KIAA1217: variants seen among roughly 807,000 people sequenced by gnomAD.
The protein encoded by KIAA1217 is KIAA1217.
In KIAA1217, 88 loss-of-function variants were observed where a neutral mutation model predicts 163.9. That is an observed-to-expected ratio of 0.54 (90% CI 0.45 to 0.64). The LOEUF (loss-of-function observed/expected upper bound fraction) is 0.64, where lower values mean the gene tolerates loss of function less well. Ranked by LOEUF, KIAA1217 falls within the 30% of genes least tolerant of loss-of-function variation. The probability of loss-of-function intolerance (pLI) is 0.00; values close to 1 mark genes in which losing one functional copy is unlikely to be tolerated. For synonymous variants in KIAA1217, 903 were observed against 923.1 expected (o/e 0.98, Z 0.39); for missense variants, 2,372 against 2,475.0 (o/e 0.96, Z 0.88).
chr10:24,439,936 A>G (rs1457124721), intron 5 of KIAA1217, among the ~76,000 whole-genome samples: 1 of 152,236 alleles, frequency 6.6e-6, no homozygotes, highest in Non-Finnish European at 1.5e-5. Flanking sequence ...GGATGCAGAC[A>G]TCTTTCAGGG....
chr10:24,033,728 T>C (rs1848282643), intron 2 of KIAA1217, among the ~76,000 whole-genome samples: 1 of 152,260 alleles, frequency 6.6e-6, no homozygotes, highest in Admixed American at 6.5e-5. Flanking sequence ...TACATGGTTT[T>C]AACTGGCTGC....
intron 6 of KIAA1217, among the ~76,000 whole-genome samples, chr10:24,485,412 C>T (rs1329813360): frequency 6.6e-6 from 1 of 152,194 alleles, no homozygotes; most frequent in East Asian, 1.9e-4. Flanking sequence ...TTCACCTTTG[C>T]TCTTTCTGCT....
At position 23,790,450 on chromosome 10, in the gene KIAA1217, T is replaced by C. The variant is rs369345694; in HGVS notation, c.-321+95216T>C. On this transcript the variant is annotated intron_variant, in intron 1 of 18. Coordinates refer to the KIAA1217 transcript ENST00000376462. The stretch of plus-strand genomic sequence containing the variant: ...ATATACATATACATATATACATATA[T>C]ACATGTGCATATATACATATATACA... 5.6e-5 allele frequency among the ~76,000 whole-genome samples: 6 copies of C among 106,486 alleles called. 1 individual carries two copies. Among genetic ancestry groups the C allele is most frequent in the East Asian group, 2.3e-4 (1 of 4,298 alleles). 69.9% of individuals were successfully genotyped at this position (106,486 alleles called of 152,430 possible). A position where few individuals can be genotyped will look rare whatever the true frequency, so the allele number is the denominator to read the frequency against.
intron 1 of KIAA1217, among the ~76,000 whole-genome samples, chr10:23,766,795 G>A (rs1203894081): frequency 2.0e-5 from 3 of 152,096 alleles, no homozygotes; most frequent in Middle Eastern, 6.8e-3. Context: ...CACCATGTTG[G>A]CCAGACGGGT....
intron 2 of KIAA1217, among the ~76,000 whole-genome samples, chr10:24,225,317 T>A (rs1420518632): frequency 6.6e-6 from 1 of 151,974 alleles, no homozygotes; most frequent in Non-Finnish European, 1.5e-5. Context: ...AGGGACAGGG[T>A]CTTGCTGTGT....
chr10:24,402,131 T>C (rs1217093584), intron 3 of KIAA1217, among the ~76,000 whole-genome samples: 1 of 152,192 alleles, frequency 6.6e-6, no homozygotes, highest in Non-Finnish European at 1.5e-5. Context: ...AAAAGATCTA[T>C]AGGTTTAAAA....
At position 23,815,843 on chromosome 10, in the gene KIAA1217, T is replaced by G. The variant is rs569050356; in HGVS notation, c.-321+120609T>G. ...ATAAGAAATTTCGTTTACGAAGTCT[T>G]TAGTGGAGTCGATTCTTTTGGTGTT... On this transcript the variant is annotated intron_variant, in intron 1 of 18. Coordinates refer to the KIAA1217 transcript ENST00000376462. 2.8e-3 allele frequency among the ~76,000 whole-genome samples: 432 copies of G among 152,270 alleles called. 3 individuals are homozygous for G. The highest frequency in any genetic ancestry group is 0.01 in the African/African-American group (418 of 41,550).
intron 1 of KIAA1217, among the ~76,000 whole-genome samples, chr10:23,907,950 A>G (rs953814790): frequency 1.3e-5 from 2 of 152,100 alleles, no homozygotes; most frequent in African/African-American, 4.8e-5. Flanking sequence ...AAAAAAAAAA[A>G]GATGTGAAGA....
intron 1 of KIAA1217, among the ~76,000 whole-genome samples, chr10:24,211,749 C>T (rs968590186): frequency 5.3e-5 from 8 of 151,770 alleles, no homozygotes; most frequent in Non-Finnish European, 1.0e-4. Context: ...CTTCTGCAGT[C>T]AAGGAGGCAA....
chr10:24,369,761 C>T (rs1250441537), intron 2 of KIAA1217, among the ~76,000 whole-genome samples: 1 of 152,164 alleles, frequency 6.6e-6, no homozygotes, highest in African/African-American at 2.4e-5. Flanking sequence ...CACACAGACA[C>T]CTTTTATCCT....
At position 24,001,297 on chromosome 10, in the gene KIAA1217, G is replaced by A. The variant is rs564000909; in HGVS notation, c.-320-5928G>A. ...AATGTCTGTCACAGAGCAGCCATTC[G>A]GTGAGTTCTTATTACATGAATGATC... is the stretch of plus-strand genomic sequence containing the variant. On this transcript the variant is annotated intron_variant, in intron 1 of 18. Transcript: ENST00000376462. 6.6e-5 allele frequency among the ~76,000 whole-genome samples: 10 copies of A among 152,244 alleles called. No individual in the cohort carries two copies. In the East Asian group the frequency reaches 1.2e-3, roughly 18 times the overall value.
chr10:24,033,055 T>C (rs922871193), intron 2 of KIAA1217, among the ~76,000 whole-genome samples: 2 of 152,132 alleles, frequency 1.3e-5, no homozygotes, highest in Non-Finnish European at 2.9e-5. Context: ...TATTTTGCAA[T>C]AAAAACCCAA....
At chr10:24,118,640 A>C (rs968186519) in intron 2 of KIAA1217, among the ~76,000 whole-genome samples, 2 of 151,752 alleles carry the variant, frequency 1.3e-5, no homozygotes, top group East Asian at 1.9e-4. Flanking sequence ...AGACAGTTAC[A>C]CTCTGAATTA....
chr10:24,255,951 C>A (rs1330065971), intron 2 of KIAA1217, among the ~76,000 whole-genome samples: 1 of 150,066 alleles, frequency 6.7e-6, no homozygotes, highest in Non-Finnish European at 1.5e-5. Flanking sequence ...TCTTACCTTG[C>A]CGGGCTCTGA....
At chr10:24,240,991 G>A (rs1186380642) in intron 2 of KIAA1217, among the ~76,000 whole-genome samples, 2 of 152,172 alleles carry the variant, frequency 1.3e-5, no homozygotes, top group East Asian at 3.9e-4. Context: ...GACTACTGGT[G>A]CATGCCACTG....
At chr10:24,499,387 C>T (rs528439001) in intron 8 of KIAA1217, among the ~76,000 whole-genome samples, 1 of 152,324 alleles carries the variant, frequency 6.6e-6, no homozygotes, top group Non-Finnish European at 1.5e-5. Flanking sequence ...GGAGGAACCA[C>T]CAGAAATTGG....
At chr10:24,530,612 T>A (rs2072966884) in intron 14 of KIAA1217, among the ~76,000 whole-genome samples, 1 of 152,198 alleles carries the variant, frequency 6.6e-6, no homozygotes, top group African/African-American at 2.4e-5. Context: ...CAAAAATTGA[T>A]AAAGGCTGGC....
intron 1 of KIAA1217, among the ~76,000 whole-genome samples, chr10:23,717,885 A>G (rs1837663936): frequency 6.6e-6 from 1 of 152,148 alleles, no homozygotes; most frequent in African/African-American, 2.4e-5. Context: ...TAACAATGAG[A>G]CTCAGGTCCT....
At chr10:23,818,331 T>A (rs189677354) in intron 1 of KIAA1217, among the ~76,000 whole-genome samples, 1,555 of 86,782 alleles carry the variant, frequency 0.018, 14 homozygotes, top group Non-Finnish European at 0.027. Context: ...ATATATATAT[T>A]TTATATATAT....
Sources: gnomAD v4.1 joint callset for allele counts (sites outside exome capture counted in the v4.1 genomes callset) on GRCh38, gnomAD v4.1.1 for gene constraint, MANE v1.5 for transcripts, NCBI Gene and HGNC (gene_info 2026-07-23, HGNC 2026-07-21) for gene names.